GRHL2: variants seen among roughly 807,000 people sequenced by gnomAD.
The protein encoded by GRHL2 is grainyhead like transcription factor 2.
GRHL2 carries 21 observed loss-of-function variants against 83.8 expected under a neutral mutation model. That is an observed-to-expected ratio of 0.25 (90% CI 0.18 to 0.36). GRHL2 has a LOEUF of 0.36. Among genes scored for constraint, GRHL2 ranks in the 10% least tolerant of loss-of-function variants. GRHL2 has a pLI of 1.00. For synonymous variants in GRHL2, 280 were observed against 278.9 expected (o/e 1.00, Z -0.04); for missense variants, 623 against 781.8 (o/e 0.80, Z 2.42).
chr8:101,611,511 C>T (rs1812749440), intron 8 of GRHL2, among the ~76,000 whole-genome samples: 1 of 150,890 alleles, frequency 6.6e-6, no homozygotes, highest in East Asian at 1.9e-4. Flanking sequence ...CCATCCCTCC[C>T]TTAGCTGAGG....
intron 12 of GRHL2, among the ~76,000 whole-genome samples, chr8:101,643,196 T>C (rs1210239258): frequency 6.6e-6 from 1 of 152,036 alleles, no homozygotes; most frequent in Non-Finnish European, 1.5e-5. Flanking sequence ...TCATGGCATC[T>C]GGGATTGTGT....
At chr8:101,589,268 G>T (rs1410260216) in intron 7 of GRHL2, among the ~76,000 whole-genome samples, 2 of 152,196 alleles carry the variant, frequency 1.3e-5, no homozygotes, top group African/African-American at 4.8e-5. Context: ...AATTAAATTT[G>T]TGGACAGAGA....
In GRHL2 at chr8:101,648,757, C is replaced by A. The variant is rs76832669; in HGVS notation, c.1613-657C>A. 8.5e-3 allele frequency among the ~76,000 whole-genome samples: 1,293 copies of A among 152,264 alleles called. 13 individuals carry two copies. Among genetic ancestry groups the A allele is most frequent in the Non-Finnish European group, 0.014 (972 of 68,020 alleles). On this transcript the variant is annotated intron_variant, in intron 13 of 15. Coordinates refer to ENST00000646743, the MANE Select transcript of GRHL2 (RefSeq NM_024915.4). ...CCTGGAGTTTGCTCTCCCTCTTCTC[C>A]CTTTCTCCCCACTGCCCCCATCTCA...
chr8:101,588,551 T>G (rs1228671255), intron 7 of GRHL2, among the ~76,000 whole-genome samples: 1 of 152,200 alleles, frequency 6.6e-6, no homozygotes, highest in Non-Finnish European at 1.5e-5. Context: ...TAACTCATTC[T>G]GTGTATGTGA....
At chr8:101,495,143 C>T (rs1016765164) in intron 1 of GRHL2, among the ~76,000 whole-genome samples, 1 of 152,198 alleles carries the variant, frequency 6.6e-6, no homozygotes, top group African/African-American at 2.4e-5. Flanking sequence ...TAAACGGGCC[C>T]CTGGGTACAG....
In GRHL2 at chr8:101,664,846, A is replaced by G. The variant is rs145335817; in HGVS notation, c.1763+328A>G. On this transcript the variant is annotated intron_variant, in intron 15 of 15. Coordinates refer to ENST00000646743, the MANE Select transcript of GRHL2 (RefSeq NM_024915.4). ...CTGCAGGGAGTGGAGTTTATAGGGA[A>G]TCACGTATGGCCCTTGGGGTTGGTT... is the stretch of plus-strand genomic sequence containing the variant. Among the ~76,000 whole-genome samples the G allele has an allele frequency of 6.4e-3, 969 of 152,230 alleles. 8 individuals are homozygous for G. The highest frequency in any genetic ancestry group is 0.01 in the Non-Finnish European group (702 of 68,014).
chr8:101,644,513 T>G (rs1046535031), intron 13 of GRHL2, among the ~76,000 whole-genome samples: 34 of 152,388 alleles, frequency 2.2e-4, no homozygotes, highest in African/African-American at 7.9e-4. Context: ...ACGAAACTCT[T>G]GCTGCGTGTG....
chr8:101,602,685 G>A (rs1053306304), intron 8 of GRHL2, among the ~76,000 whole-genome samples: 1 of 152,210 alleles, frequency 6.6e-6, no homozygotes, highest in Non-Finnish European at 1.5e-5. Flanking sequence ...AGGCTCTAAT[G>A]AGGTACTGGG....
chr8:101,628,375 G>A (rs1361830991), intron 9 of GRHL2, among the ~76,000 whole-genome samples: 1 of 151,922 alleles, frequency 6.6e-6, no homozygotes, highest in East Asian at 1.9e-4. Flanking sequence ...TGTGTTTTTG[G>A]TGGGCTTCAT....
At chr8:101,677,640 C>A in the GRHL2 span, among the ~76,000 whole-genome samples, 2 of 152,182 alleles carry the variant, frequency 1.3e-5, no homozygotes, top group Admixed American at 6.5e-5. Context: ...ACTACCCCTG[C>A]ATTTTGAAGT....
At chr8:101,658,819 A>C (rs144931095) in intron 14 of GRHL2, among the ~76,000 whole-genome samples, 2 of 152,154 alleles carry the variant, frequency 1.3e-5, no homozygotes, top group African/African-American at 4.8e-5. Context: ...ACCAAAGTTC[A>C]AAAAAAACCA....
intron 1 of GRHL2, among the ~76,000 whole-genome samples, chr8:101,515,536 G>C (rs1810555824): frequency 6.6e-6 from 1 of 152,200 alleles, no homozygotes; most frequent in African/African-American, 2.4e-5. Context: ...ACCAAGACGT[G>C]TTGCATGCTG....
At chr8:101,555,628 C>T (rs1362090228) in intron 3 of GRHL2, among the ~76,000 whole-genome samples, 2 of 152,170 alleles carry the variant, frequency 1.3e-5, no homozygotes, top group African/African-American at 4.8e-5. Flanking sequence ...TCTAAATTTT[C>T]ACTCTTTCTT....
Position 101,619,715 on chromosome 8 carries a change from T to C in GRHL2, c.1257+18T>C. On this transcript the variant is annotated intron_variant, in intron 9 of 15. Coordinates refer to ENST00000646743, the MANE Select transcript of GRHL2 (RefSeq NM_024915.4). ...GTGACAAAGTGAGTAAAGATGACAGTTTTTTATAAAGGTATCTTTTTTATT... is the reference window on the plus strand; with the variant it reads ...GTGACAAAGTGAGTAAAGATGACAGCTTTTTATAAAGGTATCTTTTTTATT... 1.3e-6 allele frequency: 2 copies of C among 1,592,098 alleles called. No individual in the cohort carries two copies. The highest frequency in any genetic ancestry group is 2.2e-5 in the South Asian group (2 of 90,614).
At chr8:101,561,155 ATT>A (rs35460086) in intron 4 of GRHL2, among the ~76,000 whole-genome samples, 1 of 145,478 alleles carries the variant, frequency 6.9e-6, no homozygotes, top group Non-Finnish European at 1.5e-5. Flanking sequence ...TTTCGAAGTA[ATT>A]TTTTTTTTTT....
At position 101,555,827 on chromosome 8, in the gene GRHL2, G is replaced by A. The variant is rs915741027; in HGVS notation, c.285-2592G>A. 3.3e-5 allele frequency among the ~76,000 whole-genome samples: 5 copies of A among 152,252 alleles called. No individual in the cohort carries two copies. In the South Asian group the frequency reaches 6.2e-4, roughly 19 times the overall value. On this transcript the variant is annotated intron_variant, in intron 3 of 15. Transcript: ENST00000646743. The stretch of plus-strand genomic sequence containing the variant: ...TCATGTGGAGAAATTCTTTTTGCAA[G>A]TTTCACTTTGAAGTTTCATCTGAAA...
chr8:101,591,961 A>T (rs2130290287), intron 7 of GRHL2, among the ~76,000 whole-genome samples: 1 of 152,240 alleles, frequency 6.6e-6, no homozygotes, highest in East Asian at 1.9e-4. Flanking sequence ...CTGTGCAGGT[A>T]ACTGCCTGTC....
chr8:101,610,172 C>T lies in GRHL2; in HGVS notation c.1099-9367C>T, dbSNP rs1021518087. 2.2e-4 allele frequency among the ~76,000 whole-genome samples: 33 copies of T among 150,766 alleles called. 5 individuals are homozygous for T. Among genetic ancestry groups the T allele is most frequent in the African/African-American group, 6.5e-4 (26 of 40,198 alleles). ...GCCTGAGAGACTTCCCCATGCTCTC[C>T]CCAGCAATACCTGGGATTCAACCCC... On this transcript the variant is annotated intron_variant, in intron 8 of 15. Transcript: ENST00000646743.
intron 5 of GRHL2, among the ~76,000 whole-genome samples, chr8:101,571,937 A>G (rs1811836529): frequency 6.6e-6 from 1 of 152,158 alleles, no homozygotes; most frequent in African/African-American, 2.4e-5. Flanking sequence ...CCTACCAGTG[A>G]CTTGACCTCG....
Sources: gnomAD v4.1 joint callset for allele counts (sites outside exome capture counted in the v4.1 genomes callset) on GRCh38, gnomAD v4.1.1 for gene constraint, MANE v1.5 for transcripts, NCBI Gene and HGNC (gene_info 2026-07-23, HGNC 2026-07-21) for gene names.